FCAMR: variants seen among roughly 807,000 people sequenced by gnomAD.
The protein encoded by FCAMR is Fc alpha and mu receptor.
In FCAMR, 51 loss-of-function variants were observed where a neutral mutation model predicts 52.2. The ratio of observed to expected loss-of-function variants is 0.98; its 90% CI spans 0.78 to 1.23. The LOEUF is 1.23. FCAMR is among the 50% of genes most tolerant of loss of function. The pLI, the probability that FCAMR is intolerant of heterozygous loss-of-function variation, is 0.00. For missense variants in FCAMR, 719 were observed against 712.6 expected (o/e 1.01, Z -0.10); for synonymous variants, 282 against 262.0 (o/e 1.08, Z -0.74).
At chr1:206,964,008 C>G (rs1680610429) in intron 4 of FCAMR, among the ~76,000 whole-genome samples, 1 of 152,164 alleles carries the variant, frequency 6.6e-6, no homozygotes, top group South Asian at 2.1e-4. Flanking sequence ...ACACCTGTGT[C>G]CTGCAGTCAG....
At position 206,960,489 on chromosome 1, in the gene FCAMR, C is replaced by T. The variant is rs370535953; in HGVS notation, c.1387G>A (p.Ala463Thr). The part of the protein sequence containing the change: ...DAATGDRGPQ[A>T]TLSQTPAVGP... ...ACTGCCGGGGTCTGGCTCAGTGTTGCTTGGGGACCTCTGTCTCCAGTGGCA... is the reference window on the plus strand; with the variant it reads ...ACTGCCGGGGTCTGGCTCAGTGTTGTTTGGGGACCTCTGTCTCCAGTGGCA... Residue 463 changes from alanine to threonine, a missense_variant, in exon 6 of 8, where the codon GCA (alanine) becomes ACA (threonine). Ala to Thr is a moderately conservative substitution (Grantham distance 58). Transcript: ENST00000324852. The T allele has an allele frequency of 7.1e-5, 110 of 1,549,678 alleles. No homozygotes were observed. The African/African-American group carries it at 1.5e-3, about 21-fold the overall frequency.
intron 4 of FCAMR, among the ~76,000 whole-genome samples, chr1:206,964,305 G>A (rs1346323397): frequency 6.6e-6 from 1 of 152,108 alleles, no homozygotes; most frequent in Non-Finnish European, 1.5e-5. Context: ...TCTTGCGGTA[G>A]GATGTGGATG....
intron 1 of FCAMR, chr1:206,969,246 C>T (rs1451044799): frequency 8.8e-6 from 4 of 455,340 alleles, no homozygotes; most frequent in Non-Finnish European, 1.8e-5. Flanking sequence ...CCTCTGAAGT[C>T]ACCGGTGCAG....
chr1:206,958,862 T>C lies in FCAMR; in HGVS notation c.1574-186A>G, dbSNP rs1159837951. On this transcript the variant is annotated intron_variant, in intron 7 of 7. Transcript: ENST00000324852. ...GGGCTTGGACTTCGGGGCCTGGGTC[T>C]GAGAACCTTAGCCTCCTCCACTTGC... 11 of 725,830 alleles carry C rather than the reference T, an allele frequency of 1.5e-5. No homozygotes were observed. The East Asian group carries it at 3.0e-4, about 20-fold the overall frequency. The allele number at this position is 725,830 out of a possible 1,614,324, so 45.0% of individuals were successfully genotyped here.
In FCAMR at chr1:206,962,465, C is replaced by A. The variant is rs74148895; in HGVS notation, c.400G>T (p.Val134Phe). ...TIQCHYAPSS[V>F]NRHQRKYWCR... is the part of the protein sequence containing the mutation. ...CAGTACTTCCTCTGGTGCCTGTTGA[C>A]AGATGAGGGGGCATAATGGCACTGG... Residue 134 changes from valine (V) to phenylalanine (F), a missense_variant, in exon 5 of 8, where the codon GTC becomes TTC. Transcript: ENST00000324852. The A allele has an allele frequency of 6.2e-7, 1 of 1,613,658 alleles. No individual in the cohort carries two copies. Among genetic ancestry groups the A allele is most frequent in the African/African-American group, 1.3e-5 (1 of 75,012 alleles).
At position 206,960,935 on chromosome 1, in the gene FCAMR, G is replaced by C. The variant is rs756875461; in HGVS notation, c.941C>G (p.Ser314Ter). The change falls in exon 6 of 8, where the codon TCA (serine) becomes TGA (stop). Residue 314 changes from serine (S) to a stop codon, truncating the protein, a stop_gained. Coordinates refer to ENST00000324852, the MANE Select transcript of FCAMR (RefSeq NM_001170631.2). LOFTEE classifies it high-confidence loss of function. ...APAPIPESPP[S>*]KSRSMSNTTE... ...TGTATTGGACATGCTTCTGCTCTTT[G>C]AAGGTGGACTCTCTGGAATCGGAGC... 1.6e-5 allele frequency: 25 copies of C among 1,552,240 alleles called. 1 individual carries two copies. In the South Asian group the frequency reaches 2.9e-4, roughly 18 times the overall value.
chr1:206,963,803 T>G (rs1021143624), intron 4 of FCAMR, among the ~76,000 whole-genome samples: 14 of 152,212 alleles, frequency 9.2e-5, no homozygotes, highest in African/African-American at 3.4e-4. Flanking sequence ...CAAGGCTGCC[T>G]CTTTTTTGCC....
In FCAMR at chr1:206,958,414, TC is replaced by T; in HGVS notation, c.*101del. 2 of 1,325,076 alleles carry T rather than the reference TC, an allele frequency of 1.5e-6. No individual in the cohort carries two copies. Among genetic ancestry groups the T allele is most frequent in the Non-Finnish European group, 2.0e-6 (2 of 984,904 alleles). The allele number at this position is 1,325,076 out of a possible 1,614,324, so 82.1% of individuals were successfully genotyped here. On this transcript the variant is annotated 3_prime_UTR_variant, in exon 8 of 8. Coordinates refer to ENST00000324852, the MANE Select transcript of FCAMR (RefSeq NM_001170631.2). ...GAGCACCGGCTGCATCAGCTTCTCTTCCCACAGGTGGAGGAAGGATGATGGA... is the reference window on the plus strand; with the variant it reads ...GAGCACCGGCTGCATCAGCTTCTCTTCCACAGGTGGAGGAAGGATGATGGA...
intron 2 of FCAMR, among the ~76,000 whole-genome samples, 180 bp downstream of exon 2, chr1:206,967,403 G>A (rs1375451317): frequency 2.0e-5 from 3 of 152,200 alleles, no homozygotes; most frequent in Non-Finnish European, 4.4e-5. Context: ...ATTCTAGCCT[G>A]GGCACCCACT....
At chr1:206,958,839 G>T in intron 7 of FCAMR, 163 bp from the exon 8 acceptor site, 2 of 864,726 alleles carry the variant, frequency 2.3e-6, no homozygotes, top group Non-Finnish European at 3.8e-6. Flanking sequence ...CCATGATAGG[G>T]CTTGGACTTC....
At position 206,959,843 on chromosome 1, in the gene FCAMR, G is replaced by A. The variant is rs553749125; in HGVS notation, c.1455-46C>T. 3.4e-6 allele frequency: 5 copies of A among 1,464,422 alleles called. No homozygotes were observed. The South Asian group carries it at 4.5e-5, about 13-fold the overall frequency. 90.7% of individuals were successfully genotyped at this position (1,464,422 alleles called of 1,614,324 possible). ...GCACAGGGGAGAGGAGGTTGGAGCTGGGCAGAAGATTAAAGACCATTTACC... is the reference window on the plus strand; with the variant it reads ...GCACAGGGGAGAGGAGGTTGGAGCTAGGCAGAAGATTAAAGACCATTTACC... On this transcript the variant is annotated intron_variant, in intron 6 of 7. Transcript: ENST00000324852.
At chr1:206,966,540 C>T (rs1680716828) in intron 3 of FCAMR, among the ~76,000 whole-genome samples, 1 of 152,138 alleles carries the variant, frequency 6.6e-6, no homozygotes, top group South Asian at 2.1e-4. Context: ...TGCGTGCCAC[C>T]AGGCCCGGCT....
At chr1:206,969,998 C>T in intron 1 of FCAMR, 89 bp downstream of exon 1, 1 of 1,537,382 alleles carries the variant, frequency 6.5e-7, no homozygotes, top group Non-Finnish European at 9.0e-7. Flanking sequence ...GGGAAGGGCA[C>T]TGAGGAGCAT....
rs1203396002 is a variant in FCAMR, at chr1:206,960,946, C to T, written c.930G>A (p.Glu310=). ...TGCTTCTGCTCTTTGAAGGTGGACT[C>T]TCTGGAATCGGAGCAGGTGCTTTGA... ...GSVKAPAPIP[E]SPPSKSRSMS... is the part of the protein sequence containing the mutation. The change falls in exon 6 of 8, where the codon GAG becomes GAA. Residue 310 remains glutamate, a synonymous_variant. Coordinates refer to ENST00000324852, the MANE Select transcript of FCAMR (RefSeq NM_001170631.2). 2.6e-6 allele frequency: 4 copies of T among 1,552,186 alleles called. No homozygotes were observed. Among genetic ancestry groups the T allele is most frequent in the East Asian group, 2.4e-5 (1 of 40,930 alleles).
intron 1 of FCAMR, among the ~76,000 whole-genome samples, chr1:206,968,897 C>T (rs1680819764): frequency 6.6e-6 from 1 of 152,162 alleles, no homozygotes; most frequent in Non-Finnish European, 1.5e-5. Context: ...AAGGCCTTTC[C>T]CTGCTCTACC....
chr1:206,965,051 A>G (rs558129145), intron 4 of FCAMR, among the ~76,000 whole-genome samples: 1 of 152,210 alleles, frequency 6.6e-6, no homozygotes, highest in Non-Finnish European at 1.5e-5. Flanking sequence ...ACGTTTCATT[A>G]AACAACACAC....
At chr1:206,967,452 T>C (rs1680757130) in intron 2 of FCAMR, 131 bp downstream of exon 2, 1 of 950,466 alleles carries the variant, frequency 1.1e-6, no homozygotes, top group Non-Finnish European at 1.6e-6. Flanking sequence ...GAGCACCGTG[T>C]AGTGGAAAGG....
chr1:206,969,221 T>C (rs1272724946), intron 1 of FCAMR: 2 of 447,602 alleles, frequency 4.5e-6, no homozygotes, highest in Admixed American at 2.4e-5. Context: ...AGTCTCTGCA[T>C]CATACCATCC....
chr1:206,962,620 C>A, intron 4 of FCAMR, 69 bp from the exon 5 acceptor site: 1 of 1,310,512 alleles, frequency 7.6e-7, no homozygotes, highest in East Asian at 2.5e-5. Flanking sequence ...GACTCACGAA[C>A]TCTGAACTCT....
Sources: allele counts gnomAD v4.1 joint callset (sites outside exome capture counted in the v4.1 genomes callset), GRCh38; gene constraint gnomAD v4.1.1; transcripts MANE v1.5; gene names NCBI Gene and HGNC (gene_info 2026-07-23, HGNC 2026-07-21).